BRAF: variants seen among roughly 807,000 people sequenced by gnomAD.
BRAF encodes B-Raf proto-oncogene, serine/threonine kinase, also known as serine/threonine-protein kinase B-raf.
A neutral mutation model predicts 104.6 loss-of-function variants in BRAF; 16 were observed. The observed-to-expected ratio is 0.15, with a 90% CI of 0.10 to 0.23. The LOEUF (loss-of-function observed/expected upper bound fraction) is 0.23. Ranked by LOEUF, BRAF falls within the 10% of genes least tolerant of loss-of-function variation. BRAF has a pLI of 1.00. For synonymous variants in BRAF, 310 were observed against 341.6 expected (o/e 0.91, Z 1.02); for missense variants, 541 against 937.3 (o/e 0.58, Z 5.52).
At chr7:140,764,685 A>G (rs1799129381) in intron 14 of BRAF, among the ~76,000 whole-genome samples, 1 of 152,224 alleles carries the variant, frequency 6.6e-6, no homozygotes, top group Non-Finnish European at 1.5e-5. Context: ...TCATGAGTGA[A>G]CTTCCATTCA....
At chr7:140,716,395 C>A (rs1446374531), downstream of BRAF, among the ~76,000 whole-genome samples, 1 of 152,148 alleles carries the variant, frequency 6.6e-6, no homozygotes, top group African/African-American at 2.4e-5. Flanking sequence ...TAGAACTAGG[C>A]CTGGCCTGAA....
chr7:140,812,850 C>CA (rs1804431980), intron 3 of BRAF, among the ~76,000 whole-genome samples: 2 of 152,038 alleles, frequency 1.3e-5, no homozygotes, highest in Admixed American at 1.3e-4. Flanking sequence ...AAGGTTCATC[C>CA]ATACTTCATA....
At chr7:140,879,292 C>T (rs1224264652) in intron 1 of BRAF, among the ~76,000 whole-genome samples, 1 of 151,964 alleles carries the variant, frequency 6.6e-6, no homozygotes, top group African/African-American at 2.4e-5. Flanking sequence ...AAAGAGTCTC[C>T]TGCCTCAGCC....
downstream of BRAF, among the ~76,000 whole-genome samples, chr7:140,717,596 T>C (rs1200111105): frequency 6.6e-6 from 1 of 152,218 alleles, no homozygotes; most frequent in Non-Finnish European, 1.5e-5. Context: ...AGGAGAACTA[T>C]ATAACTCAAA....
At chr7:140,806,053 C>T (rs1267649) in intron 5 of BRAF, among the ~76,000 whole-genome samples, 1 of 152,080 alleles carries the variant, frequency 6.6e-6, no homozygotes, top group Admixed American at 6.5e-5. Flanking sequence ...ATTCTACCCA[C>T]AACTCTTATT....
chr7:140,779,078 G>C (rs1446745505), intron 12 of BRAF, among the ~76,000 whole-genome samples: 2 of 152,190 alleles, frequency 1.3e-5, no homozygotes, highest in African/African-American at 4.8e-5. Context: ...CAATATAGAT[G>C]AATCTTATAA....
Position 140,724,819 on chromosome 7 carries a change from T to C in BRAF, c.*1675A>G. ...TTGATTTGTGTTCCTAAATTCTGAG[T>C]CTAGATTCCTGATAAGGGAGGTTTT... On this transcript the variant is annotated 3_prime_UTR_variant, in exon 20 of 20. Coordinates refer to ENST00000644969, the MANE Select transcript of BRAF (RefSeq NM_001374258.1). The C allele has an allele frequency of 9.6e-7, 1 of 1,037,432 alleles. No individual in the cohort carries two copies. Among genetic ancestry groups the C allele is most frequent in the Non-Finnish European group, 1.2e-6 (1 of 861,584 alleles). The allele number at this position is 1,037,432 out of a possible 1,614,324, so 64.3% of individuals were successfully genotyped here.
At chr7:140,872,698 T>TA (rs955070367) in intron 1 of BRAF, among the ~76,000 whole-genome samples, 11 of 150,278 alleles carry the variant, frequency 7.3e-5, no homozygotes, top group African/African-American at 1.2e-4. Flanking sequence ...CTACCAAAAA[T>TA]AAAAAAAAAT....
chr7:140,913,084 AC>A (rs1817180266), intron 1 of BRAF, among the ~76,000 whole-genome samples: 1 of 151,946 alleles, frequency 6.6e-6, no homozygotes, highest in Non-Finnish European at 1.5e-5. Flanking sequence ...TTGTTCAAAT[AC>A]CCCCTTCTCA....
Position 140,769,999 on chromosome 7 carries a change from T to G in BRAF, c.1814+6913A>C, listed in dbSNP as rs185913830. On this transcript the variant is annotated intron_variant, in intron 14 of 19. Transcript: ENST00000644969. Reference sequence around the variant, plus strand: ...CCTATTTTAACAGCTACTTCCAGAATGCTGTTAAGGTGGCTGGTTGCATCA... The same window carrying G: ...CCTATTTTAACAGCTACTTCCAGAAGGCTGTTAAGGTGGCTGGTTGCATCA... Among the ~76,000 whole-genome samples, 202 of 152,296 alleles carry G rather than the reference T, an allele frequency of 1.3e-3. 1 individual carries two copies. The highest frequency in any genetic ancestry group is 4.4e-3 in the African/African-American group (183 of 41,530).
intron 2 of BRAF, among the ~76,000 whole-genome samples, chr7:140,837,981 A>G (rs1408211283): frequency 6.6e-6 from 1 of 151,954 alleles, no homozygotes; most frequent in Non-Finnish European, 1.5e-5. Context: ...CTCTCATATC[A>G]TCTACTTTTC....
intron 11 of BRAF, among the ~76,000 whole-genome samples, chr7:140,782,093 T>C (rs1202980531): frequency 6.6e-6 from 1 of 152,152 alleles, no homozygotes; most frequent in Non-Finnish European, 1.5e-5. Context: ...CAGTGTGTGA[T>C]GTTCCCTGCC....
chr7:140,749,795 T>G (rs955637499), intron 16 of BRAF, among the ~76,000 whole-genome samples: 2 of 152,218 alleles, frequency 1.3e-5, no homozygotes, highest in African/African-American at 2.4e-5. Flanking sequence ...GGTTATAAGA[T>G]GCTTAGGAGC....
chr7:140,771,527 GA>G (rs1239560960), intron 14 of BRAF, among the ~76,000 whole-genome samples: 1 of 152,110 alleles, frequency 6.6e-6, no homozygotes, highest in Non-Finnish European at 1.5e-5. Flanking sequence ...TTTATCTTAT[GA>G]GTTAACTGCA....
intron 1 of BRAF, among the ~76,000 whole-genome samples, chr7:140,903,657 C>T (rs1310299580): frequency 1.3e-5 from 2 of 152,186 alleles, no homozygotes; most frequent in African/African-American, 2.4e-5. Context: ...ATCGTTATTA[C>T]TCTGATGGAT....
chr7:140,918,149 C>A lies in BRAF; in HGVS notation c.138+6417G>T, dbSNP rs537722688. Among the ~76,000 whole-genome samples the A allele has an allele frequency of 3.9e-5, 6 of 152,258 alleles. No homozygotes were observed. In the East Asian group the frequency reaches 9.7e-4, roughly 25 times the overall value. On this transcript the variant is annotated intron_variant, in intron 1 of 19. Transcript: ENST00000644969. Reference sequence around the variant, plus strand: ...TCTAAAATTTTTACAGCCATAAAACCCTTTTTTCAAGGAAACTAACATGTA... The same window carrying A: ...TCTAAAATTTTTACAGCCATAAAACACTTTTTTCAAGGAAACTAACATGTA...
In BRAF at chr7:140,898,059, T is replaced by C. The variant is rs1000432459; in HGVS notation, c.138+26507A>G. On this transcript the variant is annotated intron_variant, in intron 1 of 19. Transcript: ENST00000644969. ...ACAAATTTTTTCTTTTTCAAATTAG[T>C]TGGGCACAGTGGTGTGCATTTGTCC... Among the ~76,000 whole-genome samples, 5 of 152,200 alleles carry C rather than the reference T, an allele frequency of 3.3e-5. No homozygotes were observed. In the South Asian group the frequency reaches 8.3e-4, roughly 25 times the overall value.
intron 1 of BRAF, among the ~76,000 whole-genome samples, chr7:140,911,391 G>T (rs546193877): frequency 3.9e-4 from 59 of 152,302 alleles, no homozygotes; most frequent in African/African-American, 1.4e-3. Flanking sequence ...CATCATCACA[G>T]AAAGTATGAC....
chr7:140,836,156 T>C (rs1807313693), intron 2 of BRAF: 1 of 152,192 alleles, frequency 6.6e-6, no homozygotes, highest in South Asian at 2.1e-4. Context: ...TGAAAAACTA[T>C]AGATAGGTAT....
Sources: allele counts gnomAD v4.1 joint callset (sites outside exome capture counted in the v4.1 genomes callset), GRCh38; gene constraint gnomAD v4.1.1; transcripts MANE v1.5; gene names NCBI Gene and HGNC (gene_info 2026-07-23, HGNC 2026-07-21).